Variants in CCDC154 observed in about 807,000 individuals in gnomAD.
CCDC154 encodes the protein coiled-coil domain containing 154.
In CCDC154, 91 loss-of-function variants were observed where a neutral mutation model predicts 87.5. The observed-to-expected ratio is 1.04, with a 90% CI of 0.88 to 1.24. The LOEUF (loss-of-function observed/expected upper bound fraction) is 1.24. CCDC154 is among the 50% of genes most tolerant of loss of function. CCDC154 has a pLI of 0.00. For synonymous variants in CCDC154, 418 were observed against 400.4 expected, an observed-to-expected ratio of 1.04 and a Z score of -0.52; for missense variants, 903 against 879.2, an observed-to-expected ratio of 1.03 and a Z score of -0.34.
intron 5 of CCDC154, 57 bp from the exon 6 acceptor site, chr16:1,442,586 G>C: frequency 6.8e-7 from 1 of 1,469,646 alleles, no homozygotes; most frequent in Non-Finnish European, 9.0e-7. Flanking sequence ...CCAGCAGGGT[G>C]AGGCTGACCC....
intron 6 of CCDC154, among the ~76,000 whole-genome samples, chr16:1,441,444 C>G (rs888854778): frequency 6.6e-6 from 1 of 152,230 alleles, no homozygotes; most frequent in African/African-American, 2.4e-5. Context: ...ATTTGTGGAG[C>G]TCAGACCCGG....
intron 6 of CCDC154, 182 bp from the exon 7 acceptor site, chr16:1,439,308 C>T (rs189646076): frequency 6.6e-6 from 4 of 604,692 alleles, no homozygotes; most frequent in African/African-American, 5.5e-5. Flanking sequence ...CCACTCTGTA[C>T]CCAGACGACC....
rs529601020 is a variant in CCDC154, at chr16:1,444,285, T to G, written c.7+31A>C. ...CACCCTCACACCTGTGGCAAGCCCC[T>G]CCCTGGGCCCCGCTCCTCCGCTCTG... On this transcript the variant is annotated intron_variant, in intron 1 of 16. Coordinates refer to ENST00000389176, the MANE Select transcript of CCDC154 (RefSeq NM_001143980.3). 1.0e-4 allele frequency: 131 copies of G among 1,301,452 alleles called. No homozygotes were observed. In the East Asian group the frequency reaches 6.5e-3, roughly 64 times the overall value. The allele number at this position is 1,301,452 out of a possible 1,614,324, so 80.6% of individuals were successfully genotyped here.
Position 1,443,960 on chromosome 16 carries a change from G to A in CCDC154, c.60C>T (p.Ala20=), listed in dbSNP as rs779049727. 1.1e-4 allele frequency: 138 copies of A among 1,303,218 alleles called. No individual in the cohort carries two copies. Among genetic ancestry groups the A allele is most frequent in the Admixed American group, 5.3e-4 (23 of 43,560 alleles). The allele number at this position is 1,303,218 out of a possible 1,614,324, so 80.7% of individuals were successfully genotyped here. Residue 20 remains alanine (A), a synonymous_variant, in exon 2 of 17, where the codon GCC becomes GCT. Coordinates refer to ENST00000389176, the MANE Select transcript of CCDC154 (RefSeq NM_001143980.3). ...SGASAPSQLR[A]VTLEDLGLLL... is the part of the protein sequence containing the mutation. ...GGAGCCCCAGGTCTTCCAGGGTGAC[G>A]GCTCTCAGCTGGGAAGGGGCCGATG...
intron 5 of CCDC154, 69 bp from the exon 6 acceptor site, chr16:1,442,598 C>T (rs2038561953): frequency 6.9e-7 from 1 of 1,450,150 alleles, no homozygotes; most frequent in Admixed American, 2.7e-5. Context: ...GGCTGACCCA[C>T]AGGCTGGCCA....
rs1596203739 is a variant in CCDC154 at position 1,438,395 on chromosome 16, C to T, written c.1026-219G>A. 5 of 738,444 alleles carry T rather than the reference C, an allele frequency of 6.8e-6. No individual in the cohort carries two copies. In the East Asian group the frequency reaches 1.4e-4, roughly 20 times the overall value. The allele number at this position is 738,444 out of a possible 1,614,324, so 45.7% of individuals were successfully genotyped here. On this transcript the variant is annotated intron_variant, in intron 9 of 16. Coordinates refer to ENST00000389176, the MANE Select transcript of CCDC154 (RefSeq NM_001143980.3). Reference sequence around the variant, plus strand: ...GCCACCAAGACAGGGGTTCCCTCCCCATGGCCACAGCTGAGTGCCCCAGGG... The same window carrying T: ...GCCACCAAGACAGGGGTTCCCTCCCTATGGCCACAGCTGAGTGCCCCAGGG...
In CCDC154 at chr16:1,443,966, C is replaced by G. The variant is rs1471479632; in HGVS notation, c.54G>C (p.Leu18=). ...CCAGGTCTTCCAGGGTGACGGCTCT[C>G]AGCTGGGAAGGGGCCGATGCCCCTG... The part of the protein sequence containing the change: ...GPSGASAPSQ[L]RAVTLEDLGL... The change falls in exon 2 of 17, where the codon CTG becomes CTC. Residue 18 remains leucine, a synonymous_variant. Transcript: ENST00000389176. 1.5e-6 allele frequency: 2 copies of G among 1,303,150 alleles called. No homozygotes were observed. Among genetic ancestry groups the G allele is most frequent in the Non-Finnish European group, 2.0e-6 (2 of 988,926 alleles). The allele number at this position is 1,303,150 out of a possible 1,614,324, so 80.7% of individuals were successfully genotyped here. A position where few individuals can be genotyped will look rare whatever the true frequency, so the allele number is the denominator to read the frequency against.
At position 1,444,350 on chromosome 16, in the gene CCDC154, C is replaced by A; in HGVS notation, c.-28G>T. On this transcript the variant is annotated 5_prime_UTR_variant, in exon 1 of 17. Coordinates refer to ENST00000389176, the MANE Select transcript of CCDC154 (RefSeq NM_001143980.3). ...CTGCTGGGCTGCACCGGCCACCCTGCCCTCGGCTGTAGCTTGGGCCTTGGG... is the reference window on the plus strand; with the variant it reads ...CTGCTGGGCTGCACCGGCCACCCTGACCTCGGCTGTAGCTTGGGCCTTGGG... The A allele has an allele frequency of 7.7e-7, 1 of 1,300,008 alleles. No individual in the cohort carries two copies. Among genetic ancestry groups the A allele is most frequent in the East Asian group, 5.5e-5 (1 of 18,022 alleles). 80.5% of individuals were successfully genotyped at this position (1,300,008 alleles called of 1,614,324 possible).
In CCDC154 at chr16:1,438,082, C is replaced by A. The variant is rs1318365454; in HGVS notation, c.1120G>T (p.Ala374Ser). ...LEAAQLAGELARQEMHGELVL... is the reference protein window; with the variant it reads ...LEAAQLAGELSRQEMHGELVL... ...AGCTCTCCATGCATCTCCTGCCGGG[C>A]CAGCTCGCCAGCCAGCTGTGCGGCC... Residue 374 changes from alanine (A) to serine (S), a missense_variant, in exon 10 of 17, where the codon GCC (alanine) becomes TCC (serine). Coordinates refer to ENST00000389176, the MANE Select transcript of CCDC154 (RefSeq NM_001143980.3). 1 of 1,548,454 alleles carries A rather than the reference C, an allele frequency of 6.5e-7. No homozygotes were observed. Among genetic ancestry groups the A allele is most frequent in the East Asian group, 2.4e-5 (1 of 40,884 alleles).
intron 11 of CCDC154, chr16:1,437,522 A>G: frequency 2.5e-6 from 1 of 401,446 alleles, no homozygotes; most frequent in Non-Finnish European, 4.5e-6. Context: ...CGAGGGGTGG[A>G]GGCCGCTTGT....
chr16:1,434,848 G>A lies in CCDC154; in HGVS notation c.1697C>T (p.Thr566Met), dbSNP rs547491543. 1.0e-4 allele frequency: 157 copies of A among 1,503,146 alleles called. No individual in the cohort carries two copies. In the African/African-American group the frequency reaches 1.6e-3, roughly 15 times the overall value. 93.1% of individuals were successfully genotyped at this position (1,503,146 alleles called of 1,614,324 possible). A position where few individuals can be genotyped will look rare whatever the true frequency, so the allele number is the denominator to read the frequency against. ...LRFNTEARLR[T>M]QEMATLWESV... The stretch of plus-strand genomic sequence containing the variant: ...CTCCCACAGGGTGGCCATCTCCTGC[G>A]TGCGCTGTGGGACGGGGATGCTGGT... Residue 566 changes from threonine (T) to methionine (M), a missense_variant, in exon 16 of 17, where the codon ACG becomes ATG. Physicochemically the swap from Thr to Met is moderately conservative, Grantham distance 81 (BLOSUM62 -1). Transcript: ENST00000389176.
chr16:1,441,738 A>G (rs2038553658), intron 6 of CCDC154, among the ~76,000 whole-genome samples: 1 of 151,932 alleles, frequency 6.6e-6, no homozygotes, highest in African/African-American at 2.4e-5. Flanking sequence ...TGGGACGAAG[A>G]GCGCCCAGAT....
At chr16:1,437,607 G>A in intron 11 of CCDC154, 1 of 565,456 alleles carries the variant, frequency 1.8e-6, no homozygotes, top group East Asian at 3.2e-5. Flanking sequence ...GGCTGCAGAT[G>A]CTGGGCCGAG....
Position 1,443,631 on chromosome 16 carries a change from T to G in CCDC154, c.289A>C (p.Thr97Pro). 1.4e-6 allele frequency: 2 copies of G among 1,379,748 alleles called. No individual in the cohort carries two copies. Among genetic ancestry groups the G allele is most frequent in the Non-Finnish European group, 1.9e-6 (2 of 1,053,612 alleles). 85.5% of individuals were successfully genotyped at this position (1,379,748 alleles called of 1,614,324 possible). The change falls in exon 3 of 17, where the codon ACG (threonine) becomes CCG (proline). Residue 97 changes from threonine to proline, a missense_variant. Coordinates refer to ENST00000389176, the MANE Select transcript of CCDC154 (RefSeq NM_001143980.3). ...REHKQRCERA[T>P]RSLLRELLQV... ...AGCAGCTCCCGCAGCAGGCTCCGCG[T>G]GGCGCGCTCACAGCGCTGCTTGTGC...
chr16:1,444,427 A>T lies in CCDC154; in HGVS notation c.-105T>A. ...ACAGGCCAGGGGGGTCAGGAGCCAGAGGAAGTCCCGTGAGAGCTCTGGGCC... is the reference window on the plus strand; with the variant it reads ...ACAGGCCAGGGGGGTCAGGAGCCAGTGGAAGTCCCGTGAGAGCTCTGGGCC... On this transcript the variant is annotated 5_prime_UTR_variant, in exon 1 of 17. Coordinates refer to ENST00000389176, the MANE Select transcript of CCDC154 (RefSeq NM_001143980.3). 1 of 1,165,300 alleles carries T rather than the reference A, an allele frequency of 8.6e-7. No homozygotes were observed. The highest frequency in any genetic ancestry group is 1.4e-5 in the South Asian group (1 of 71,278). 72.2% of individuals were successfully genotyped at this position (1,165,300 alleles called of 1,614,324 possible). A position where few individuals can be genotyped will look rare whatever the true frequency, so the allele number is the denominator to read the frequency against.
At chr16:1,438,520 C>A in intron 9 of CCDC154, 99 bp downstream of exon 9, 1 of 1,148,688 alleles carries the variant, frequency 8.7e-7, no homozygotes, top group South Asian at 1.4e-5. Flanking sequence ...TCGGGGGAGG[C>A]AAGGTCATTC....
rs530185607 is a variant in CCDC154 at position 1,434,549 on chromosome 16, G to A, written c.1878-15C>T. 10 of 1,538,982 alleles carry A rather than the reference G, an allele frequency of 6.5e-6. No homozygotes were observed. In the East Asian group the frequency reaches 7.4e-5, roughly 11 times the overall value. ...AGCGCAGCCACCTGTCCAGAGATGC[G>A]GCACATGGCCCCTGCACCCCCGCCC... On this transcript the variant is annotated splice_polypyrimidine_tract_variant and intron_variant, in intron 16 of 16. Coordinates refer to ENST00000389176, the MANE Select transcript of CCDC154 (RefSeq NM_001143980.3).
In CCDC154 at chr16:1,443,486, T is replaced by TTGG; in HGVS notation, c.414+19_414+20insCCA. 7.0e-7 allele frequency: 1 copy of TTGG among 1,432,596 alleles called. No homozygotes were observed. The allele number at this position is 1,432,596 out of a possible 1,614,324, so 88.7% of individuals were successfully genotyped here. A position where few individuals can be genotyped will look rare whatever the true frequency, so the allele number is the denominator to read the frequency against. On this transcript the variant is annotated intron_variant, in intron 3 of 16. Transcript: ENST00000389176. Reference sequence around the variant, plus strand: ...CCCAGGAAAGGGGCAGCTCGACCTGTGGGTGGGGGAGCCGCTCACCTCCGG... The same window carrying TTGG: ...CCCAGGAAAGGGGCAGCTCGACCTGTTGGGGGTGGGGGAGCCGCTCACCTCCGG...
intron 5 of CCDC154, 151 bp downstream of exon 5, chr16:1,442,729 C>T: frequency 9.9e-7 from 1 of 1,007,146 alleles, no homozygotes; most frequent in Non-Finnish European, 1.4e-6. Context: ...CCGCAGCGGG[C>T]CCAGGCTTCC....
Sources: gnomAD v4.1 joint callset for allele counts (sites outside exome capture counted in the v4.1 genomes callset) on GRCh38, gnomAD v4.1.1 for gene constraint, MANE v1.5 for transcripts, NCBI Gene and HGNC (gene_info 2026-07-23, HGNC 2026-07-21) for gene names.